The following MCUR1 variants were observed in gnomAD, a reference collection of about 807,000 sequenced individuals.
MCUR1 encodes the protein MCU regulator 1.
In MCUR1, 37 loss-of-function variants were observed where a neutral mutation model predicts 42.0. That is an observed-to-expected ratio of 0.88 (90% confidence interval 0.68 to 1.16). The LOEUF is 1.16. Among genes scored for constraint, MCUR1 ranks in the 50% most tolerant of loss-of-function variants. The probability of loss-of-function intolerance (pLI) is 0.00; values close to 1 mark genes in which losing one functional copy is unlikely to be tolerated. For missense variants in MCUR1, 469 were observed against 468.4 expected (o/e 1.00, Z -0.01); for synonymous variants, 229 against 196.2 (o/e 1.17, Z -1.40).
At chr6:13,809,606 T>A (rs1046332426) in intron 1 of MCUR1, among the ~76,000 whole-genome samples, 3 of 151,884 alleles carry the variant, frequency 2.0e-5, no homozygotes, top group Non-Finnish European at 4.4e-5. Flanking sequence ...TTTTTTTTTT[T>A]AATTGGGTCA....
intron 6 of MCUR1, among the ~76,000 whole-genome samples, chr6:13,798,287 G>A (rs1297017492): frequency 6.6e-6 from 1 of 151,868 alleles, no homozygotes; most frequent in Non-Finnish European, 1.5e-5. Context: ...AGTACAGACA[G>A]GGTTTCACCA....
intron 2 of MCUR1, chr6:13,803,972 T>C (rs1184734064): frequency 1.1e-6 from 1 of 942,326 alleles, no homozygotes; most frequent in East Asian, 1.2e-4. Context: ...TCCATTTTAA[T>C]GTAAATAAAA....
intron 7 of MCUR1, among the ~76,000 whole-genome samples, chr6:13,792,777 T>C (rs1230067758): frequency 6.6e-6 from 1 of 152,130 alleles, no homozygotes; most frequent in Non-Finnish European, 1.5e-5. Flanking sequence ...AATAAATGCC[T>C]GGATGCGTAA....
intron 1 of MCUR1, among the ~76,000 whole-genome samples, chr6:13,813,087 C>T (rs1239177924): frequency 6.6e-6 from 1 of 152,176 alleles, no homozygotes; most frequent in African/African-American, 2.4e-5. Context: ...GTATTCAGTA[C>T]GGTAACATGC....
chr6:13,790,608 C>A lies in MCUR1; in HGVS notation c.*201G>T. On this transcript the variant is annotated 3_prime_UTR_variant, in exon 9 of 9. Transcript: ENST00000379170. The stretch of plus-strand genomic sequence containing the variant: ...CTGGGACTACAGGCGCCCGCCACCA[C>A]GCCCGCCTAATGTTTTAATTTTTTA... 2.9e-6 allele frequency: 1 copy of A among 347,510 alleles called. No individual in the cohort carries two copies. The highest frequency in any genetic ancestry group is 9.4e-4 in the Middle Eastern group (1 of 1,062). The allele number at this position is 347,510 out of a possible 1,614,324, so 21.5% of individuals were successfully genotyped here.
Position 13,814,413 on chromosome 6 carries a change from ACCGAGCCGCAGTCCATCC to A in MCUR1, c.-2_16del. 1 of 1,537,788 alleles carries A rather than the reference ACCGAGCCGCAGTCCATCC, an allele frequency of 6.5e-7. No individual in the cohort carries two copies. Among genetic ancestry groups the A allele is most frequent in the Non-Finnish European group, 8.7e-7 (1 of 1,152,996 alleles). On this transcript the variant is annotated start_lost and 5_prime_UTR_variant, in exon 1 of 9. Transcript: ENST00000379170. ...CAGGCGCTGGGTCCTCTGGCCGCCG[ACCGAGCCGCAGTCCATCC>A]CCGAGCAGTTCACTGGCCCGGGCGC... is the stretch of plus-strand genomic sequence containing the variant.
At chr6:13,799,827 C>CTTT (rs542304036) in intron 5 of MCUR1, among the ~76,000 whole-genome samples, 48 of 96,196 alleles carry the variant, frequency 5.0e-4, no homozygotes, top group African/African-American at 8.1e-4. Flanking sequence ...ACACAATTTT[C>CTTT]TTTTTTTTTT....
At chr6:13,804,790 C>CAAAAAAAAAAAAAAAAAA (rs971958696) in intron 2 of MCUR1, among the ~76,000 whole-genome samples, 1 of 50,456 alleles carries the variant, frequency 2.0e-5, no homozygotes, top group African/African-American at 7.8e-5. Flanking sequence ...ACTCTGTCTC[C>CAAAAAAAAAAAAAAAAAA]AAAAAAAAAA....
chr6:13,795,515 A>G (rs1328866929), intron 6 of MCUR1, among the ~76,000 whole-genome samples: 1 of 152,250 alleles, frequency 6.6e-6, no homozygotes, highest in African/African-American at 2.4e-5. Context: ...AACTTTACCG[A>G]AAGAACGAGA....
chr6:13,813,940 G>A (rs927647047), intron 1 of MCUR1, 75 bp downstream of exon 1: 37 of 1,212,204 alleles, frequency 3.1e-5, no homozygotes, highest in Non-Finnish European at 1.7e-5. Context: ...CCTCGGGGAG[G>A]CTGTAGCTGA....
chr6:13,812,950 A>G (rs549743275), intron 1 of MCUR1, among the ~76,000 whole-genome samples: 2 of 152,204 alleles, frequency 1.3e-5, no homozygotes, highest in Non-Finnish European at 2.9e-5. Context: ...CATGAGCCCC[A>G]CAACTACCTT....
At chr6:13,802,510 CAG>C (rs1760013866) in intron 2 of MCUR1, among the ~76,000 whole-genome samples, 164 bp from the exon 3 acceptor site, 1 of 152,164 alleles carries the variant, frequency 6.6e-6, no homozygotes, top group Non-Finnish European at 1.5e-5. Flanking sequence ...GCCGGTCACT[CAG>C]AGCAAGCACG....
At chr6:13,809,881 G>T (rs958063841) in intron 1 of MCUR1, among the ~76,000 whole-genome samples, 8 of 151,912 alleles carry the variant, frequency 5.3e-5, no homozygotes, top group Admixed American at 1.3e-4. Flanking sequence ...TCCAGCCTGG[G>T]TGACAAAGCA....
At chr6:13,805,792 A>C (rs1760100290) in intron 2 of MCUR1, among the ~76,000 whole-genome samples, 1 of 152,210 alleles carries the variant, frequency 6.6e-6, no homozygotes, top group African/African-American at 2.4e-5. Context: ...ATTTTTGAGA[A>C]TGTGTCACCA....
In MCUR1 at chr6:13,790,884, G is replaced by GA. The variant is rs767226414; in HGVS notation, c.1025-21dup. On this transcript the variant is annotated intron_variant, in intron 8 of 8. Coordinates refer to ENST00000379170, the MANE Select transcript of MCUR1 (RefSeq NM_001031713.4). ...TAGACCCTGTAAGAAAAAAACAATT[G>GA]AGAGTACTATTAGTTCTATTAAGAG... is the stretch of plus-strand genomic sequence containing the variant. The GA allele has an allele frequency of 6.3e-7, 1 of 1,579,240 alleles. No individual in the cohort carries two copies. Among genetic ancestry groups the GA allele is most frequent in the Non-Finnish European group, 8.7e-7 (1 of 1,150,532 alleles).
At chr6:13,806,882 A>T (rs1760121799) in intron 2 of MCUR1, 43 bp downstream of exon 2, 1 of 1,530,684 alleles carries the variant, frequency 6.5e-7, no homozygotes, top group Non-Finnish European at 8.8e-7. Context: ...CATAATTTAA[A>T]GTGTTTTTCT....
At chr6:13,793,851 G>T (rs1410986986) in intron 7 of MCUR1, 43 bp downstream of exon 7, 7 of 1,541,140 alleles carry the variant, frequency 4.5e-6, no homozygotes, top group Admixed American at 1.7e-5. Context: ...ACGAAGCAAA[G>T]ATGAGTACAA....
At position 13,787,028 on chromosome 6, in the gene MCUR1, G is replaced by T. The variant is rs917602917; in HGVS notation, c.*3781C>A. 6.6e-6 allele frequency: 1 copy of T among 152,140 alleles called. No homozygotes were observed. Among genetic ancestry groups the T allele is most frequent in the African/African-American group, 2.4e-5 (1 of 41,422 alleles). 9.4% of individuals were successfully genotyped at this position (152,140 alleles called of 1,614,324 possible). Reference sequence around the variant, plus strand: ...ATTAAAATCAAAGTTTTCTAGATATGAATTCTATATACCATCTCTATATTT... The same window carrying T: ...ATTAAAATCAAAGTTTTCTAGATATTAATTCTATATACCATCTCTATATTT... On this transcript the variant is annotated 3_prime_UTR_variant, in exon 9 of 9. Coordinates refer to ENST00000379170, the MANE Select transcript of MCUR1 (RefSeq NM_001031713.4).
chr6:13,794,274 T>C lies in MCUR1; in HGVS notation c.856-327A>G, dbSNP rs184737626. ...GCTAAAGTTTCTTATTTATACTTAC[T>C]CATTCCTCTAATATCTGGATTTCCT... On this transcript the variant is annotated intron_variant, in intron 6 of 8. Transcript: ENST00000379170. 5.3e-3 allele frequency among the ~76,000 whole-genome samples: 806 copies of C among 152,276 alleles called. 3 individuals carry two copies. Among genetic ancestry groups the C allele is most frequent in the Middle Eastern group, 0.031 (9 of 294 alleles).
Sources: allele counts gnomAD v4.1 joint callset (sites outside exome capture counted in the v4.1 genomes callset), GRCh38; gene constraint gnomAD v4.1.1; transcripts MANE v1.5; gene names NCBI Gene and HGNC (gene_info 2026-07-23, HGNC 2026-07-21).